The following STEAP1 variants were observed in gnomAD, a reference collection of about 807,000 sequenced individuals.
STEAP1 encodes the protein STEAP family member 1, also known as STEAP1 protein.
Under a neutral mutation model 34.4 loss-of-function variants are expected in STEAP1, and 30 were observed. The observed-to-expected ratio is 0.87, with a 90% CI of 0.65 to 1.18. STEAP1 has a LOEUF of 1.18. Ranked by LOEUF, STEAP1 falls within the 50% of genes most tolerant of loss-of-function variation. STEAP1 has a pLI of 0.00. For synonymous variants in STEAP1, 116 were observed against 135.3 expected (o/e 0.86, Z 0.99); for missense variants, 318 against 391.1 (o/e 0.81, Z 1.58).
At chr7:90,163,057 A>G (rs1356587007) in intron 4 of STEAP1, 3 of 411,140 alleles carry the variant, frequency 7.3e-6, no homozygotes, top group South Asian at 3.6e-5. Flanking sequence ...TAATTCAGTC[A>G]TGAACACTGC....
At chr7:90,155,913 T>G (rs903730994) in intron 1 of STEAP1, among the ~76,000 whole-genome samples, 1 of 152,202 alleles carries the variant, frequency 6.6e-6, no homozygotes, top group Non-Finnish European at 1.5e-5. Context: ...AAGACAGCGC[T>G]GAGCCTTTTC....
intron 1 of STEAP1, among the ~76,000 whole-genome samples, chr7:90,154,920 T>C (rs1258052922): frequency 1.3e-5 from 2 of 152,256 alleles, no homozygotes; most frequent in Non-Finnish European, 2.9e-5. Context: ...GACGAATGAC[T>C]GGTGCACAGT....
At chr7:90,156,087 A>G (rs1794115013) in intron 1 of STEAP1, among the ~76,000 whole-genome samples, 2 of 152,174 alleles carry the variant, frequency 1.3e-5, no homozygotes, top group Admixed American at 1.3e-4. Flanking sequence ...CCTGCCTTAC[A>G]TTGTTGTTCA....
chr7:90,162,998 C>T, intron 4 of STEAP1: 2 of 417,504 alleles, frequency 4.8e-6, no homozygotes, highest in Non-Finnish European at 1.1e-5. Context: ...GAGTGATGTG[C>T]CAGAATCACT....
At chr7:90,158,512 C>G (rs1273046521) in intron 1 of STEAP1, among the ~76,000 whole-genome samples, 1 of 151,902 alleles carries the variant, frequency 6.6e-6, no homozygotes, top group Non-Finnish European at 1.5e-5. Flanking sequence ...TTAGCCCAGG[C>G]CTACCCAGGG....
At chr7:90,155,496 C>CT (rs1022205973) in intron 1 of STEAP1, among the ~76,000 whole-genome samples, 2 of 152,134 alleles carry the variant, frequency 1.3e-5, no homozygotes, top group Non-Finnish European at 2.9e-5. Context: ...ATATGCTTCA[C>CT]TTTTTTTAAA....
rs1003433663 is a variant in STEAP1 at position 90,164,680 on chromosome 7, T to C, written c.966T>C (p.His322=). The C allele has an allele frequency of 6.2e-7, 1 of 1,613,608 alleles. No individual in the cohort carries two copies. The highest frequency in any genetic ancestry group is 8.5e-7 in the Non-Finnish European group (1 of 1,179,764). Residue 322 remains histidine (H), a synonymous_variant, in exon 5 of 5, where the codon CAT becomes CAC. Transcript: ENST00000297205. The stretch of plus-strand genomic sequence containing the variant: ...GGAAGAAGATACTGAAGATTAGACA[T>C]GGTTGGGAAGACGTCACCAAAATTA... ...CLRKKILKIR[H]GWEDVTKINK...
intron 1 of STEAP1, 105 bp from the exon 2 acceptor site, chr7:90,159,653 A>T (rs1393037285): frequency 2.0e-6 from 1 of 489,394 alleles, no homozygotes; most frequent in Non-Finnish European, 3.3e-6. Context: ...ATTGTATTTT[A>T]TCTGCCATTC....
intron 1 of STEAP1, among the ~76,000 whole-genome samples, chr7:90,154,850 G>A (rs1794100971): frequency 6.6e-6 from 1 of 152,208 alleles, no homozygotes; most frequent in African/African-American, 2.4e-5. Context: ...TTTGTGCTCA[G>A]GTTGGATTTT....
rs1794198170 is a variant in STEAP1, at chr7:90,162,349, G to A, written c.762+271G>A. The stretch of plus-strand genomic sequence containing the variant: ...TTTGTTTGTTTGTTTGTTTTTTTGA[G>A]ATGAAGTCTCGCTCTGTTGCCCATG... On this transcript the variant is annotated intron_variant, in intron 4 of 4. Transcript: ENST00000297205. 1.4e-5 allele frequency: 6 copies of A among 422,542 alleles called. No individual in the cohort carries two copies. In the South Asian group the frequency reaches 2.2e-4, roughly 16 times the overall value. 26.2% of individuals were successfully genotyped at this position (422,542 alleles called of 1,614,324 possible).
At chr7:90,156,838 C>A (rs1346897281) in intron 1 of STEAP1, among the ~76,000 whole-genome samples, 1 of 152,188 alleles carries the variant, frequency 6.6e-6, no homozygotes, top group Admixed American at 6.5e-5. Context: ...CCTCTGAGCC[C>A]TCCCCAGAAG....
chr7:90,155,261 A>G (rs960524643), intron 1 of STEAP1, among the ~76,000 whole-genome samples: 29 of 25,408 alleles, frequency 1.1e-3, no homozygotes, highest in Non-Finnish European at 1.9e-3. Context: ...AGCCCAGTGA[A>G]AAAAAAAAAC....
chr7:90,158,750 C>A (rs1794146773), intron 1 of STEAP1, among the ~76,000 whole-genome samples: 1 of 152,110 alleles, frequency 6.6e-6, no homozygotes, highest in African/African-American at 2.4e-5. Flanking sequence ...AAATACTAGG[C>A]AATAGGAATT....
chr7:90,161,812 T>C, intron 3 of STEAP1, 102 bp from the exon 4 acceptor site: 3 of 1,459,146 alleles, frequency 2.1e-6, no homozygotes, highest in South Asian at 1.6e-5. Context: ...AGACCTGTTA[T>C]CAGGGCTTCA....
intron 1 of STEAP1, among the ~76,000 whole-genome samples, chr7:90,156,675 G>A (rs1794123265): frequency 6.6e-6 from 1 of 152,194 alleles, no homozygotes; most frequent in Non-Finnish European, 1.5e-5. Flanking sequence ...GATGATCTGA[G>A]GTGGAACAGT....
intron 4 of STEAP1, 65 bp from the exon 5 acceptor site, chr7:90,164,412 G>T: frequency 6.6e-7 from 1 of 1,506,966 alleles, no homozygotes; most frequent in Non-Finnish European, 8.9e-7. Flanking sequence ...AGCATATCCA[G>T]ATGAGGTAGG....
At chr7:90,160,002 T>A (rs1794163037) in intron 2 of STEAP1, 130 bp downstream of exon 2, 1 of 523,656 alleles carries the variant, frequency 1.9e-6, no homozygotes, top group East Asian at 4.5e-5. Context: ...GGACTTGGAT[T>A]ACCGTCACTG....
At chr7:90,162,926 A>C (rs1364733325) in intron 4 of STEAP1, 1 of 304,834 alleles carries the variant, frequency 3.3e-6, no homozygotes, top group African/African-American at 2.1e-5. Context: ...ATATTCTTGT[A>C]ATTTTAAAAA....
intron 4 of STEAP1, 122 bp downstream of exon 4, chr7:90,162,200 T>A (rs1227597714): frequency 7.3e-7 from 1 of 1,376,038 alleles, no homozygotes; most frequent in Non-Finnish European, 9.5e-7. Context: ...ATCTTATACT[T>A]GTTCCAATTA....
Sources: allele counts gnomAD v4.1 joint callset (sites outside exome capture counted in the v4.1 genomes callset), GRCh38; gene constraint gnomAD v4.1.1; transcripts MANE v1.5; gene names NCBI Gene and HGNC (gene_info 2026-07-23, HGNC 2026-07-21).